The following KIF13B variants were observed in gnomAD, a reference collection of about 807,000 sequenced individuals.
KIF13B encodes the protein kinesin family member 13B.
Under a neutral mutation model 222.0 loss-of-function variants are expected in KIF13B, and 127 were observed. The ratio of observed to expected loss-of-function variants is 0.57; its 90% CI spans 0.50 to 0.66. The LOEUF (loss-of-function observed/expected upper bound fraction) is 0.66, where lower values mean the gene tolerates loss of function less well. Ranked by LOEUF, KIF13B falls within the 30% of genes least tolerant of loss-of-function variation. KIF13B has a pLI of 0.00. For synonymous variants in KIF13B, 976 were observed against 919.0 expected (o/e 1.06, Z -1.12); for missense variants, 2,173 against 2,379.0 (o/e 0.91, Z 1.80).
chr8:29,075,336 G>A lies in KIF13B; in HGVS notation c.4466C>T (p.Pro1489Leu). The A allele has an allele frequency of 1.3e-6, 2 of 1,558,588 alleles. No homozygotes were observed. The highest frequency in any genetic ancestry group is 2.4e-5 in the South Asian group (2 of 84,370). The change falls in exon 38 of 40, where the codon CCC becomes CTC. Residue 1489 changes from proline to leucine, a missense_variant. Around this residue, in one of 2 missense-constraint regions of KIF13B, gnomAD observed 693 missense variants for 656.2 expected, o/e 1.06. Transcript: ENST00000524189. ...RPSPLAHQPV[P>L]RIMVQSASPD... is the part of the protein sequence containing the mutation. Reference sequence around the variant, plus strand: ...GCTGGCTGACTGCACCATGATGCGGGGCACGGGCTGAGGAGGCAAGTGTGC... The same window carrying A: ...GCTGGCTGACTGCACCATGATGCGGAGCACGGGCTGAGGAGGCAAGTGTGC...
Position 29,167,395 on chromosome 8 carries a change from C to A in KIF13B, c.1136G>T (p.Arg379Leu). 1 of 1,612,802 alleles carries A rather than the reference C, an allele frequency of 6.2e-7. No homozygotes were observed. The highest frequency in any genetic ancestry group is 8.5e-7 in the Non-Finnish European group (1 of 1,179,770). ...TACCTCTGCTTTGGTCAGCTGCTCC[C>A]GGAGTTTCTCAACTTCTTCCCGGAG... ...RDLREEVEKLREQLTKAEAMK... is the reference protein window; with the variant it reads ...RDLREEVEKLLEQLTKAEAMK... Residue 379 changes from arginine to leucine, a missense_variant, in exon 11 of 40, where the codon CGG becomes CTG. Physicochemically the swap from Arg to Leu is moderately radical, Grantham distance 102. Coordinates refer to ENST00000524189, the MANE Select transcript of KIF13B (RefSeq NM_015254.4).
Position 29,070,331 on chromosome 8 carries a change from G to A in KIF13B, c.*173C>T, listed in dbSNP as rs1807193579. On this transcript the variant is annotated 3_prime_UTR_variant, in exon 40 of 40. Transcript: ENST00000524189. This position sits in a 1 kb window ranked among gnomAD's most constrained non-coding sequence, Gnocchi z 4.1. ...GCCCCCACTTTACCCGGGTACAGAA[G>A]AAACAAAGCTTCCAGAGGCCCAGGG... 4 of 686,622 alleles carry A rather than the reference G, an allele frequency of 5.8e-6. No homozygotes were observed. The highest frequency in any genetic ancestry group is 5.7e-5 in the South Asian group (3 of 52,594). 42.5% of individuals were successfully genotyped at this position (686,622 alleles called of 1,614,324 possible). A position where few individuals can be genotyped will look rare whatever the true frequency, so the allele number is the denominator to read the frequency against.
At chr8:29,243,924 C>T (rs920000010) in intron 2 of KIF13B, among the ~76,000 whole-genome samples, 18 of 152,142 alleles carry the variant, frequency 1.2e-4, no homozygotes, top group Admixed American at 4.6e-4. Context: ...TTGTGAGACA[C>T]GTAAGACAGG....
chr8:29,197,023 A>T (rs1351926921), intron 2 of KIF13B, among the ~76,000 whole-genome samples: 2 of 152,126 alleles, frequency 1.3e-5, no homozygotes, highest in Non-Finnish European at 2.9e-5. Flanking sequence ...ACTTACTGAC[A>T]TCTCATCAGG....
At chr8:29,126,342 A>T (rs1810108440) in intron 26 of KIF13B, 140 bp downstream of exon 26, 1 of 629,894 alleles carries the variant, frequency 1.6e-6, no homozygotes. Flanking sequence ...AATGTTCCCT[A>T]CTCTGTTTTA....
rs999327721 is a variant in KIF13B, at chr8:29,094,868, G to GA, written c.4325-1991dup. ...AGCAGCAAATGGAAATTCTAGAACT[G>GA]AAAAAAAAACAATGACTGAAATGAA... On this transcript the variant is annotated intron_variant, in intron 36 of 39. Transcript: ENST00000524189. 3.5e-4 allele frequency among the ~76,000 whole-genome samples: 49 copies of GA among 138,728 alleles called. 1 individual carries two copies. The South Asian group carries it at 8.0e-3, about 23-fold the overall frequency. 91.0% of individuals were successfully genotyped at this position (138,728 alleles called of 152,430 possible).
At chr8:29,153,748 G>A (rs1811398973) in intron 14 of KIF13B, among the ~76,000 whole-genome samples, 1 of 151,438 alleles carries the variant, frequency 6.6e-6, no homozygotes, top group Non-Finnish European at 1.5e-5. Flanking sequence ...CCAAATCCAG[G>A]CTTCTATCAG....
intron 22 of KIF13B, 24 bp from the exon 23 acceptor site, chr8:29,132,489 G>A: frequency 2.1e-6 from 3 of 1,417,028 alleles, no homozygotes; most frequent in South Asian, 1.7e-5. Flanking sequence ...GCTAATTACA[G>A]AAGAGCAAAC....
At chr8:29,122,135 T>C (rs1809892829) in intron 29 of KIF13B, among the ~76,000 whole-genome samples, 1 of 152,062 alleles carries the variant, frequency 6.6e-6, no homozygotes, top group African/African-American at 2.4e-5. Context: ...AAGCCTGTAA[T>C]CCCAGCTACT....
chr8:29,109,481 T>C lies in KIF13B; in HGVS notation c.4114A>G (p.Lys1372Glu), dbSNP rs764353239. The change falls in exon 34 of 40, where the codon AAA (lysine) becomes GAA (glutamate). Residue 1372 changes from lysine to glutamate, a missense_variant. This residue lies in a region of KIF13B where 1,480 missense variants were observed against 1,722.8 expected (regional missense o/e 0.86). Transcript: ENST00000524189. ...EVAVKEQLTG[K>E]GKLSRRSISS... ...ATACTCCTCCTGCTCAACTTTCCTT[T>C]TCCTGTTAACTGTTCCTTCACTGCA... The C allele has an allele frequency of 1.9e-6, 3 of 1,613,884 alleles. No homozygotes were observed. The highest frequency in any genetic ancestry group is 1.7e-5 in the Admixed American group (1 of 60,014).
At position 29,124,049 on chromosome 8, in the gene KIF13B, T is replaced by C. The variant is rs189184862; in HGVS notation, c.3327A>G (p.Gln1109=). The C allele has an allele frequency of 1.1e-4, 171 of 1,611,760 alleles. 2 individuals are homozygous for C. The East Asian group carries it at 3.7e-3, about 35-fold the overall frequency. Residue 1109 remains glutamine (Q), a synonymous_variant, in exon 27 of 40, where the codon CAA becomes CAG. Coordinates refer to ENST00000524189, the MANE Select transcript of KIF13B (RefSeq NM_015254.4). ...CACGTTTACTGACAAGCTTTTGCAATTGTTGATCCAAGTACTCCTGACGTT... is the reference window on the plus strand; with the variant it reads ...CACGTTTACTGACAAGCTTTTGCAACTGTTGATCCAAGTACTCCTGACGTT... ...LTKRQEYLDQ[Q]LQKLVSKRDK... is the part of the protein sequence containing the mutation.
chr8:29,134,196 T>C lies in KIF13B; in HGVS notation c.2628A>G (p.Gln876=), dbSNP rs1321603122. The C allele has an allele frequency of 2.5e-6, 4 of 1,613,650 alleles. No homozygotes were observed. Among genetic ancestry groups the C allele is most frequent in the Admixed American group, 3.3e-5 (2 of 59,952 alleles). The change falls in exon 22 of 40, where the codon CAA becomes CAG. Residue 876 remains glutamine, a synonymous_variant. Transcript: ENST00000524189. ...ACAGATGCTGTGGCAACCCAGTAGC[T>C]TGCAGGATTTTAACCTGAAGGAAAA... ...NKLVCMVKIL[Q]ATGLPQHLSH... is the part of the protein sequence containing the mutation.
In KIF13B at chr8:29,110,081, G is replaced by A. The variant is rs924424494; in HGVS notation, c.3931-11C>T. 3 of 1,552,426 alleles carry A rather than the reference G, an allele frequency of 1.9e-6. No homozygotes were observed. The highest frequency in any genetic ancestry group is 2.4e-5 in the South Asian group (2 of 84,138). ...CACTCCCTGGGCATCCTGAGCAGTGGAAAGTTATACATTATAAAAGCTTCT... is the reference window on the plus strand; with the variant it reads ...CACTCCCTGGGCATCCTGAGCAGTGAAAAGTTATACATTATAAAAGCTTCT... On this transcript the variant is annotated splice_polypyrimidine_tract_variant and intron_variant, in intron 32 of 39. Transcript: ENST00000524189.
intron 9 of KIF13B, among the ~76,000 whole-genome samples, chr8:29,177,222 C>A (rs1812519593): frequency 6.6e-6 from 1 of 151,592 alleles, no homozygotes; most frequent in African/African-American, 2.4e-5. Flanking sequence ...CAGCATCACC[C>A]CTCCCATGAA....
rs181623142 is a variant in KIF13B, at chr8:29,239,749, G to A, written c.149+5597C>T. ...ACGATCTTGGCTAACTGCAACCTCC[G>A]CCTTCCAGGTTCAAGCAATTCTCGT... is the stretch of plus-strand genomic sequence containing the variant. On this transcript the variant is annotated intron_variant, in intron 2 of 39. Coordinates refer to ENST00000524189, the MANE Select transcript of KIF13B (RefSeq NM_015254.4). Among the ~76,000 whole-genome samples, 127 of 152,254 alleles carry A rather than the reference G, an allele frequency of 8.3e-4. 1 individual carries two copies. The highest frequency in any genetic ancestry group is 7.3e-3 in the Admixed American group (111 of 15,292).
intron 22 of KIF13B, among the ~76,000 whole-genome samples, chr8:29,132,964 T>C (rs535825915): frequency 1.3e-5 from 2 of 152,260 alleles, no homozygotes; most frequent in Admixed American, 1.3e-4. Flanking sequence ...TCCATCTTTA[T>C]AAGATAGCAT....
intron 14 of KIF13B, among the ~76,000 whole-genome samples, chr8:29,153,970 T>C (rs1379970091): frequency 6.6e-6 from 1 of 152,256 alleles, no homozygotes; most frequent in Non-Finnish European, 1.5e-5. Context: ...CAAAATTTTA[T>C]TTCCTATCTA....
chr8:29,113,102 T>C (rs940772671), intron 32 of KIF13B, among the ~76,000 whole-genome samples: 3 of 152,208 alleles, frequency 2.0e-5, no homozygotes, highest in Non-Finnish European at 4.4e-5. Context: ...TTACGCAAGT[T>C]CACTCTGCTA....
intron 31 of KIF13B, among the ~76,000 whole-genome samples, chr8:29,115,789 T>C (rs1809566851): frequency 1.3e-5 from 2 of 152,000 alleles, no homozygotes; most frequent in South Asian, 4.2e-4. Flanking sequence ...TGCCCTGCCC[T>C]CCCCACTCTC....
Sources: gnomAD v4.1 joint callset for allele counts (sites outside exome capture counted in the v4.1 genomes callset) on GRCh38, gnomAD v4.1.1 for gene constraint, gnomAD v4.1.1 regional missense constraint, Gnocchi (gnomAD v3.1) non-coding constraint, MANE v1.5 for transcripts, NCBI Gene and HGNC (gene_info 2026-07-23, HGNC 2026-07-21) for gene names.